Variants in CCDC73 observed in about 807,000 individuals in gnomAD.
CCDC73 encodes coiled-coil domain-containing protein 73.
A neutral mutation model predicts 116.5 loss-of-function variants in CCDC73; 95 were observed. The ratio of observed to expected loss-of-function variants is 0.82; its 90% confidence interval spans 0.69 to 0.97. The LOEUF is 0.97. Among genes scored for constraint, CCDC73 ranks in the 50% least tolerant of loss-of-function variants. CCDC73 has a pLI of 0.00. For missense variants in CCDC73, 1,066 were observed against 1,206.8 expected, an observed-to-expected ratio of 0.88 and a Z score of 1.73; for synonymous variants, 398 against 401.3, an observed-to-expected ratio of 0.99 and a Z score of 0.10.
intron 6 of CCDC73, among the ~76,000 whole-genome samples, chr11:32,685,923 T>C (rs1420889235): frequency 6.6e-6 from 1 of 151,784 alleles, no homozygotes; most frequent in Non-Finnish European, 1.5e-5. Context: ...GGTTTCACCA[T>C]GTTAGCCAGG....
chr11:32,662,884 C>A (rs1419985081), intron 9 of CCDC73, among the ~76,000 whole-genome samples: 4 of 152,110 alleles, frequency 2.6e-5, no homozygotes, highest in Non-Finnish European at 4.4e-5. Context: ...AGGAAGGGAT[C>A]CAGTTTCAGC....
intron 1 of CCDC73, among the ~76,000 whole-genome samples, chr11:32,765,029 A>G (rs929835714): frequency 6.6e-6 from 1 of 152,230 alleles, no homozygotes; most frequent in Admixed American, 6.5e-5. Flanking sequence ...GCCATTATAT[A>G]ATGGCAAAGG....
chr11:32,721,489 G>T (rs1032275963), intron 2 of CCDC73, among the ~76,000 whole-genome samples: 1 of 152,040 alleles, frequency 6.6e-6, no homozygotes, highest in Non-Finnish European at 1.5e-5. Flanking sequence ...TTTCAGTTTT[G>T]CTGTATGTTT....
At chr11:32,801,887 ATG>A in the CCDC73 span, among the ~76,000 whole-genome samples, 7 of 152,228 alleles carry the variant, frequency 4.6e-5, no homozygotes, top group Non-Finnish European at 8.8e-5. Flanking sequence ...GAATAGCATA[ATG>A]TGTGTAATCC....
intron 13 of CCDC73, 84 bp downstream of exon 13, chr11:32,641,888 C>T (rs1855736000): frequency 2.9e-6 from 3 of 1,045,626 alleles, no homozygotes; most frequent in Non-Finnish European, 1.2e-6. Context: ...AATATTTTTG[C>T]AATATTTTCT....
chr11:32,665,822 C>A (rs1274150313), intron 9 of CCDC73, among the ~76,000 whole-genome samples: 1 of 152,136 alleles, frequency 6.6e-6, no homozygotes, highest in South Asian at 2.1e-4. Context: ...ATGTTTAGTG[C>A]TTCCTTCAGG....
intron 17 of CCDC73, among the ~76,000 whole-genome samples, chr11:32,606,584 T>C (rs1488360807): frequency 6.6e-6 from 1 of 152,232 alleles, no homozygotes; most frequent in African/African-American, 2.4e-5. Flanking sequence ...GAATTGAGTT[T>C]GTTTTATATG....
chr11:32,766,447 G>T (rs1357193040), intron 1 of CCDC73, among the ~76,000 whole-genome samples: 1 of 152,202 alleles, frequency 6.6e-6, no homozygotes, highest in Non-Finnish European at 1.5e-5. Flanking sequence ...AGTGTTGGAA[G>T]TTCTGGCCAG....
intron 13 of CCDC73, among the ~76,000 whole-genome samples, chr11:32,636,357 TACTAAGC>T (rs1184100346): frequency 3.3e-5 from 5 of 152,080 alleles, no homozygotes; most frequent in African/African-American, 9.7e-5. Flanking sequence ...ACTAGATGAG[TACTAAGC>T]ACTAAGTGGT....
intron 2 of CCDC73, among the ~76,000 whole-genome samples, chr11:32,757,277 C>T (rs1445142863): frequency 6.6e-6 from 1 of 151,748 alleles, no homozygotes; most frequent in South Asian, 2.1e-4. Context: ...ACAGGGGCTG[C>T]CTCTGGATGA....
chr11:32,784,853 T>C (rs561245828), intron 1 of CCDC73, among the ~76,000 whole-genome samples: 9 of 152,338 alleles, frequency 5.9e-5, no homozygotes, highest in Admixed American at 4.6e-4. Flanking sequence ...CTAAGATATA[T>C]GAAATCAGTT....
At chr11:32,765,033 G>A (rs1489479672) in intron 1 of CCDC73, among the ~76,000 whole-genome samples, 1 of 152,140 alleles carries the variant, frequency 6.6e-6, no homozygotes, top group Non-Finnish European at 1.5e-5. Flanking sequence ...TTATATAATG[G>A]CAAAGGGATC....
upstream of CCDC73, among the ~76,000 whole-genome samples, chr11:32,796,188 G>C (rs1407358217): frequency 6.6e-6 from 1 of 152,052 alleles, no homozygotes; most frequent in East Asian, 1.9e-4. Context: ...TCACCATCTC[G>C]TCTGGTATAT....
chr11:32,660,130 A>G (rs1269477911), intron 9 of CCDC73, among the ~76,000 whole-genome samples: 3 of 151,792 alleles, frequency 2.0e-5, no homozygotes, highest in Admixed American at 2.0e-4. Context: ...ACTACTGATT[A>G]CAACCATTAT....
intron 9 of CCDC73, among the ~76,000 whole-genome samples, chr11:32,660,109 T>C (rs1855908412): frequency 1.3e-5 from 2 of 152,112 alleles, no homozygotes; most frequent in South Asian, 4.2e-4. Flanking sequence ...AAATTACAGA[T>C]TGCTTAGAAT....
chr11:32,673,334 CTG>C (rs1480021425), intron 9 of CCDC73, among the ~76,000 whole-genome samples: 3 of 152,092 alleles, frequency 2.0e-5, no homozygotes, highest in African/African-American at 7.2e-5. Flanking sequence ...TACAGGAACT[CTG>C]TACTTTCTAT....
At chr11:32,653,260 G>T in intron 11 of CCDC73, 33 bp from the exon 12 acceptor site, 1 of 1,359,988 alleles carries the variant, frequency 7.4e-7, no homozygotes. Context: ...CAATTTAAAA[G>T]TTTTAAGATA....
chr11:32,670,552 G>A (rs1856029288), intron 9 of CCDC73, among the ~76,000 whole-genome samples: 1 of 151,512 alleles, frequency 6.6e-6, no homozygotes, highest in South Asian at 2.1e-4. Context: ...TTGATAGCTT[G>A]TTTTACACTA....
At chr11:32,775,914 C>CA (rs1850528712) in intron 1 of CCDC73, among the ~76,000 whole-genome samples, 1 of 152,266 alleles carries the variant, frequency 6.6e-6, no homozygotes, top group African/African-American at 2.4e-5. Context: ...TCAGATTTAA[C>CA]AAATCAAAAT....
Sources: allele counts gnomAD v4.1 joint callset (sites outside exome capture counted in the v4.1 genomes callset), GRCh38; gene constraint gnomAD v4.1.1; transcripts MANE v1.5; gene names NCBI Gene and HGNC (gene_info 2026-07-23, HGNC 2026-07-21).